Variants in LITAF observed in about 807,000 individuals in gnomAD.
LITAF encodes lipopolysaccharide induced TNF factor, also known as lipopolysaccharide-induced tumor necrosis factor-alpha factor.
LITAF carries 9 observed loss-of-function variants against 14.5 expected under a neutral mutation model. The observed-to-expected ratio is 0.62, with a 90% CI of 0.37 to 1.08. The LOEUF (loss-of-function observed/expected upper bound fraction) is 1.08. LITAF is among the 50% of genes least tolerant of loss of function. The probability of loss-of-function intolerance (pLI) is 0.01; values close to 1 mark genes in which losing one functional copy is unlikely to be tolerated. For synonymous variants in LITAF, 98 were observed against 88.2 expected (o/e 1.11, Z -0.62); for missense variants, 206 against 213.4 (o/e 0.97, Z 0.22).
At position 11,549,449 on chromosome 16, in the gene LITAF, C is replaced by G; in HGVS notation, c.*188G>C. On this transcript the variant is annotated 3_prime_UTR_variant, in exon 4 of 4. Transcript: ENST00000622633. The surrounding 1 kb of genome is among the most constrained non-coding windows in gnomAD (Gnocchi z 4.6). The stretch of plus-strand genomic sequence containing the variant: ...GTCTTTGCAAGTCCTATGCACGACT[C>G]CAAGCAGCAATTTCTGGGGTTTGGA... 4 of 653,354 alleles carry G rather than the reference C, an allele frequency of 6.1e-6. No individual in the cohort carries two copies. Among genetic ancestry groups the G allele is most frequent in the Non-Finnish European group, 1.1e-5 (4 of 353,506 alleles). The allele number at this position is 653,354 out of a possible 1,614,324, so 40.5% of individuals were successfully genotyped here.
intron 1 of LITAF, among the ~76,000 whole-genome samples, chr16:11,580,447 G>A (rs573636003): frequency 1.2e-4 from 18 of 152,116 alleles, no homozygotes; most frequent in African/African-American, 4.1e-4. Flanking sequence ...TAGTAGAGAC[G>A]GGGTTTCACC....
Position 11,549,773 on chromosome 16 carries a change from G to C in LITAF, c.378-28C>G. ...GGGAGGAGAGAGAGACACACGGAGC[G>C]CGTTACTGATCACAACAGGGTGAAC... On this transcript the variant is annotated intron_variant, in intron 3 of 3. Transcript: ENST00000622633. This position sits in a 1 kb window ranked among gnomAD's most constrained non-coding sequence, Gnocchi z 4.6. 2.6e-6 allele frequency: 4 copies of C among 1,564,394 alleles called. No individual in the cohort carries two copies. In the South Asian group the frequency reaches 3.4e-5, roughly 13 times the overall value.
At chr16:11,612,134 G>A (rs1303415735) in intron 3 of LITAF, among the ~76,000 whole-genome samples, 2 of 152,214 alleles carry the variant, frequency 1.3e-5, no homozygotes, top group Admixed American at 6.5e-5. Flanking sequence ...TCACTGAGAG[G>A]GTGGAAACAG....
chr16:11,576,581 A>G (rs1452129061), intron 1 of LITAF, among the ~76,000 whole-genome samples: 1 of 150,548 alleles, frequency 6.6e-6, no homozygotes, highest in African/African-American at 2.4e-5. Context: ...AAAAAGAGAA[A>G]GGAAAGGAAA....
At chr16:11,591,833 C>T (rs1413271150), upstream of LITAF, among the ~76,000 whole-genome samples, 2 of 152,134 alleles carry the variant, frequency 1.3e-5, no homozygotes, top group African/African-American at 4.8e-5. Context: ...AAGCGATCCG[C>T]CCACCTTGGC....
chr16:11,610,716 G>A (rs1007076451), intron 3 of LITAF, among the ~76,000 whole-genome samples: 7 of 152,240 alleles, frequency 4.6e-5, no homozygotes, highest in East Asian at 1.9e-4. Context: ...TGCAGGTTGC[G>A]CACTGCACAA....
intron 1 of LITAF, among the ~76,000 whole-genome samples, chr16:11,568,360 G>T (rs961409535): frequency 2.0e-5 from 3 of 151,508 alleles, no homozygotes; most frequent in African/African-American, 7.3e-5. Flanking sequence ...CTTGAGTCAT[G>T]AGCAGGCTCC....
rs79579986 is a variant in LITAF, at chr16:11,633,846, C to A, written c.-20-209G>T. Among the ~76,000 whole-genome samples, 13 of 152,294 alleles carry A rather than the reference C, an allele frequency of 8.5e-5. No individual in the cohort carries two copies. The East Asian group carries it at 1.9e-3, about 23-fold the overall frequency. ...TTCTTTCTTGCACGAGACCCAAGAA[C>A]CCTCTCTTGGAGTCTGGATCGGGAC... On this transcript the variant is annotated intron_variant, in intron 2 of 3. Coordinates refer to the LITAF transcript ENST00000574848.
At position 11,553,164 on chromosome 16, in the gene LITAF, A is replaced by G. The variant is rs1366880735; in HGVS notation, c.377+369T>C. Among the ~76,000 whole-genome samples, 8 of 151,712 alleles carry G rather than the reference A, an allele frequency of 5.3e-5. No individual in the cohort carries two copies. The East Asian group carries it at 1.5e-3, about 29-fold the overall frequency. On this transcript the variant is annotated intron_variant, in intron 3 of 3. Coordinates refer to ENST00000622633, the MANE Select transcript of LITAF (RefSeq NM_001136472.2). This position sits in a 1 kb window ranked among gnomAD's most constrained non-coding sequence, Gnocchi z 7.7. The stretch of plus-strand genomic sequence containing the variant: ...CCAGGCACAGTGGCTCACACCTGTA[A>G]CCCCAGCAGTTTGGGAGGCCAAGGT...
chr16:11,584,094 A>G (rs977378794), intron 1 of LITAF: 2 of 152,336 alleles, frequency 1.3e-5, no homozygotes, highest in African/African-American at 4.8e-5. Flanking sequence ...GTAAACATCA[A>G]TCAAATTCAG....
intron 1 of LITAF, among the ~76,000 whole-genome samples, chr16:11,577,635 A>G (rs9941140): frequency 0.011 from 1,666 of 152,074 alleles, 30 homozygotes; most frequent in African/African-American, 0.038. Flanking sequence ...TCTATTTTTT[A>G]AACAAGAAAA....
At chr16:11,595,360 A>C (rs1473837270) in intron 1 of LITAF, among the ~76,000 whole-genome samples, 4 of 152,188 alleles carry the variant, frequency 2.6e-5, no homozygotes, top group African/African-American at 9.7e-5. Context: ...TGCTGCTGCC[A>C]AGATGGAGCT....
chr16:11,553,474 C>T lies in LITAF; in HGVS notation c.377+59G>A. ...GCATGGTGCAGTTGAGAACCCACCC[C>T]CGCCAGCACCCAGAGAGAAGGGCAG... On this transcript the variant is annotated intron_variant, in intron 3 of 3. Coordinates refer to ENST00000622633, the MANE Select transcript of LITAF (RefSeq NM_001136472.2). The surrounding 1 kb of genome is among the most constrained non-coding windows in gnomAD (Gnocchi z 7.7). 1.1e-5 allele frequency: 18 copies of T among 1,591,474 alleles called. No individual in the cohort carries two copies. The highest frequency in any genetic ancestry group is 1.5e-5 in the Non-Finnish European group (18 of 1,163,938).
chr16:11,613,917 G>A (rs2064999846), intron 3 of LITAF, among the ~76,000 whole-genome samples: 2 of 152,170 alleles, frequency 1.3e-5, no homozygotes, highest in African/African-American at 2.4e-5. Context: ...TCTCTAAAAC[G>A]GAACTGACAG....
At chr16:11,607,590 C>T (rs1033167282) in intron 3 of LITAF, among the ~76,000 whole-genome samples, 4 of 151,744 alleles carry the variant, frequency 2.6e-5, no homozygotes, top group African/African-American at 7.2e-5. Flanking sequence ...TCTACCTCAA[C>T]GTCCTCATTA....
chr16:11,636,362 G>C (rs11645031), exon 1 of LITAF: 44,840 of 152,204 alleles, frequency 0.29, 6,914 homozygotes, highest in African/African-American at 0.37. Context: ...AGGGGTCCCA[G>C]AGAAAATGGG....
At chr16:11,583,017 T>A (rs2064762432) in intron 1 of LITAF, among the ~76,000 whole-genome samples, 1 of 152,204 alleles carries the variant, frequency 6.6e-6, no homozygotes, top group Non-Finnish European at 1.5e-5. Context: ...CCATAAATGG[T>A]TAAGCAGGAA....
At chr16:11,555,863 A>G (rs2064260368) in intron 2 of LITAF, among the ~76,000 whole-genome samples, 1 of 152,130 alleles carries the variant, frequency 6.6e-6, no homozygotes, top group Non-Finnish European at 1.5e-5. Context: ...ATAAATAGGT[A>G]CTTGATGAAA....
chr16:11,577,081 T>C (rs2064648201), intron 1 of LITAF, among the ~76,000 whole-genome samples: 1 of 152,196 alleles, frequency 6.6e-6, no homozygotes, highest in Non-Finnish European at 1.5e-5. Context: ...TCCTCCTGCA[T>C]CCTAATTGCT....
Sources: allele counts gnomAD v4.1 joint callset (sites outside exome capture counted in the v4.1 genomes callset), GRCh38; gene constraint gnomAD v4.1.1; non-coding constraint Gnocchi (gnomAD v3.1); transcripts MANE v1.5; gene names NCBI Gene and HGNC (gene_info 2026-07-23, HGNC 2026-07-21).